SRGAP1: variants seen among roughly 807,000 people sequenced by gnomAD.
SRGAP1 encodes the protein SLIT-ROBO Rho GTPase-activating protein 1.
A neutral mutation model predicts 121.9 loss-of-function variants in SRGAP1; 43 were observed. That is an observed-to-expected ratio of 0.35 (90% CI 0.28 to 0.46). The LOEUF (loss-of-function observed/expected upper bound fraction) is 0.46, where lower values mean the gene tolerates loss of function less well. Among genes scored for constraint, SRGAP1 ranks in the 20% least tolerant of loss-of-function variants. SRGAP1 has a pLI of 1.00. For missense variants in SRGAP1, 1,102 were observed against 1,350.9 expected, an observed-to-expected ratio of 0.82 and a Z score of 2.89; for synonymous variants, 447 against 485.4, an observed-to-expected ratio of 0.92 and a Z score of 1.04.
At chr12:63,936,059 T>A (rs1424070666) in intron 1 of SRGAP1, among the ~76,000 whole-genome samples, 1 of 152,238 alleles carries the variant, frequency 6.6e-6, no homozygotes, top group Non-Finnish European at 1.5e-5. Flanking sequence ...ATTTTCTTAA[T>A]ATATTTCTGA....
At chr12:63,922,072 G>A (rs950960153) in intron 1 of SRGAP1, among the ~76,000 whole-genome samples, 5 of 151,190 alleles carry the variant, frequency 3.3e-5, no homozygotes, top group Admixed American at 2.0e-4. Context: ...TCTCCCTGCC[G>A]GCTTCCAGTG....
intron 21 of SRGAP1, among the ~76,000 whole-genome samples, chr12:64,132,291 A>G (rs2036797611): frequency 6.6e-6 from 1 of 152,206 alleles, no homozygotes. Context: ...CAGCATCCCT[A>G]TCTGCCACTG....
At chr12:63,893,336 A>G (rs1357358991) in intron 1 of SRGAP1, among the ~76,000 whole-genome samples, 1 of 152,220 alleles carries the variant, frequency 6.6e-6, no homozygotes, top group African/African-American at 2.4e-5. Context: ...TTGCAAATGT[A>G]AGGCTTAGTA....
intron 1 of SRGAP1, among the ~76,000 whole-genome samples, chr12:63,939,444 G>T (rs1447645955): frequency 6.6e-6 from 1 of 152,114 alleles, no homozygotes; most frequent in African/African-American, 2.4e-5. Flanking sequence ...AAGGGAACTT[G>T]CAAGGATTCA....
At chr12:63,922,772 A>G (rs944971357) in intron 1 of SRGAP1, among the ~76,000 whole-genome samples, 3 of 152,256 alleles carry the variant, frequency 2.0e-5, no homozygotes, top group Non-Finnish European at 4.4e-5. Flanking sequence ...CTTTGAGGGA[A>G]GAAACATTGC....
intron 1 of SRGAP1, among the ~76,000 whole-genome samples, chr12:63,945,049 A>G (rs1360523807): frequency 6.6e-6 from 1 of 152,212 alleles, no homozygotes; most frequent in East Asian, 1.9e-4. Context: ...CAGAGCCCAC[A>G]GGAAGCGTCC....
chr12:63,945,898 G>A (rs958688293), intron 1 of SRGAP1, among the ~76,000 whole-genome samples: 10 of 152,082 alleles, frequency 6.6e-5, no homozygotes, highest in African/African-American at 2.2e-4. Context: ...GATCTGGGCA[G>A]GACTGCAGCA....
rs1382526395 is a variant in SRGAP1, at chr12:64,150,330, C to G, written c.*7658C>G. ...GCGACTTATGGATGGATCCTTCACA[C>G]CCAACAGCTGTCTATCAGGGGTGCT... On this transcript the variant is annotated 3_prime_UTR_variant, in exon 22 of 22. Transcript: ENST00000355086. The G allele has an allele frequency of 6.6e-6, 1 of 152,176 alleles. No homozygotes were observed. Among genetic ancestry groups the G allele is most frequent in the Non-Finnish European group, 1.5e-5 (1 of 68,018 alleles). 9.4% of individuals were successfully genotyped at this position (152,176 alleles called of 1,614,324 possible). A position where few individuals can be genotyped will look rare whatever the true frequency, so the allele number is the denominator to read the frequency against.
intron 15 of SRGAP1, 133 bp downstream of exon 15, chr12:64,097,508 G>A (rs1593124418): frequency 1.0e-6 from 1 of 1,004,284 alleles, no homozygotes; most frequent in East Asian, 2.8e-5. Flanking sequence ...GGGACCATTT[G>A]TTTTCTTTCT....
At chr12:64,122,696 G>A (rs900234620) in intron 18 of SRGAP1, among the ~76,000 whole-genome samples, 3 of 152,110 alleles carry the variant, frequency 2.0e-5, no homozygotes, top group Non-Finnish European at 2.9e-5. Context: ...TCAAGAGATC[G>A]AGACCATCCT....
At chr12:64,119,953 A>T (rs1471186931) in intron 18 of SRGAP1, among the ~76,000 whole-genome samples, 3 of 150,992 alleles carry the variant, frequency 2.0e-5, no homozygotes, top group Non-Finnish European at 3.0e-5. Flanking sequence ...GTATTTTTAG[A>T]AGAGACAGGG....
intron 1 of SRGAP1, among the ~76,000 whole-genome samples, chr12:63,878,272 C>T (rs1289070142): frequency 6.6e-6 from 1 of 152,154 alleles, no homozygotes; most frequent in African/African-American, 2.4e-5. Flanking sequence ...TTTGTGGGCT[C>T]TTCAATTTCT....
At chr12:63,984,371 T>C (rs2033356935) in intron 2 of SRGAP1, among the ~76,000 whole-genome samples, 1 of 152,182 alleles carries the variant, frequency 6.6e-6, no homozygotes, top group South Asian at 2.1e-4. Context: ...TATTTATGGA[T>C]AGCTTTATAT....
intron 3 of SRGAP1, among the ~76,000 whole-genome samples, chr12:64,012,551 CTTTTTTTTTTTTTTT>C (rs386376760): frequency 1.3e-5 from 1 of 77,662 alleles, no homozygotes; most frequent in East Asian, 3.7e-4. Flanking sequence ...AAGTTATTAT[CTTTTTTTTTTTTTTT>C]TTTTTTTTTT....
chr12:64,033,930 G>T (rs2034841607), intron 4 of SRGAP1, among the ~76,000 whole-genome samples: 1 of 152,106 alleles, frequency 6.6e-6, no homozygotes, highest in Non-Finnish European at 1.5e-5. Flanking sequence ...TGAGGCAGGA[G>T]AATTGCTTGA....
rs934416424 is a variant in SRGAP1 at position 64,091,421 on chromosome 12, T to C, written c.1539+43T>C. The C allele has an allele frequency of 2.2e-5, 32 of 1,440,872 alleles. No homozygotes were observed. The East Asian group carries it at 7.2e-4, about 32-fold the overall frequency. The allele number at this position is 1,440,872 out of a possible 1,614,324, so 89.3% of individuals were successfully genotyped here. A position where few individuals can be genotyped will look rare whatever the true frequency, so the allele number is the denominator to read the frequency against. ...CTGGGTGGCTGATCTCCATGCTTCT[T>C]ACTATAATGGTCTCAGCCTCTTGTA... On this transcript the variant is annotated intron_variant, in intron 12 of 21. Coordinates refer to ENST00000355086, the MANE Select transcript of SRGAP1 (RefSeq NM_020762.4).
At chr12:63,960,269 C>T (rs2032597372) in intron 1 of SRGAP1, among the ~76,000 whole-genome samples, 1 of 152,168 alleles carries the variant, frequency 6.6e-6, no homozygotes, top group Non-Finnish European at 1.5e-5. Flanking sequence ...CCACCAACAT[C>T]CTTTCAGACT....
intron 1 of SRGAP1, among the ~76,000 whole-genome samples, chr12:63,929,093 T>C (rs11175209): frequency 0.12 from 18,925 of 152,214 alleles, 1,298 homozygotes; most frequent in East Asian, 0.26. Flanking sequence ...GTTACATGTG[T>C]GTACACAATT....
chr12:64,147,441 C>T lies in SRGAP1; in HGVS notation c.*4769C>T. ...CTGTCCCCCACCTTCCCCATCCCCGCCTTCCTGTGCCTCGGTGCTCAGTAA... is the reference window on the plus strand; with the variant it reads ...CTGTCCCCCACCTTCCCCATCCCCGTCTTCCTGTGCCTCGGTGCTCAGTAA... On this transcript the variant is annotated 3_prime_UTR_variant, in exon 22 of 22. Coordinates refer to ENST00000355086, the MANE Select transcript of SRGAP1 (RefSeq NM_020762.4). 2 of 398,026 alleles carry T rather than the reference C, an allele frequency of 5.0e-6. No homozygotes were observed. Among genetic ancestry groups the T allele is most frequent in the Non-Finnish European group, 8.8e-6 (2 of 226,056 alleles). 24.7% of individuals were successfully genotyped at this position (398,026 alleles called of 1,614,324 possible).
Sources: gnomAD v4.1 joint callset for allele counts (sites outside exome capture counted in the v4.1 genomes callset) on GRCh38, gnomAD v4.1.1 for gene constraint, MANE v1.5 for transcripts, NCBI Gene and HGNC (gene_info 2026-07-23, HGNC 2026-07-21) for gene names.